PDE4D: variants seen among roughly 807,000 people sequenced by gnomAD.
PDE4D encodes the protein phosphodiesterase 4D, also known as 3',5'-cyclic-AMP phosphodiesterase 4D.
In PDE4D, 24 loss-of-function variants were observed where a neutral mutation model predicts 87.4. That is an observed-to-expected ratio of 0.27 (90% CI 0.20 to 0.39). The LOEUF (loss-of-function observed/expected upper bound fraction) is 0.39, where lower values mean the gene tolerates loss of function less well. PDE4D is among the 10% of genes least tolerant of loss of function. The pLI is 1.00. For synonymous variants in PDE4D, 384 were observed against 383.2 expected, an observed-to-expected ratio of 1.00 and a Z score of -0.02; for missense variants, 714 against 1,041.0, an observed-to-expected ratio of 0.69 and a Z score of 4.32.
intron 1 of PDE4D, among the ~76,000 whole-genome samples, chr5:59,751,628 G>A (rs945131033): frequency 2.7e-5 from 4 of 148,226 alleles, no homozygotes; most frequent in Non-Finnish European, 4.4e-5. Context: ...GAGCGAGCGA[G>A]CGAGCAAGCG....
intron 2 of PDE4D, among the ~76,000 whole-genome samples, chr5:60,013,856 C>T (rs1765253541): frequency 7.0e-6 from 1 of 143,156 alleles, no homozygotes; most frequent in African/African-American, 2.5e-5. Flanking sequence ...GAGTCAGCCT[C>T]CATATAAAAA....
intron 1 of PDE4D, among the ~76,000 whole-genome samples, chr5:59,367,604 C>T (rs771741756): frequency 6.6e-6 from 1 of 152,170 alleles, no homozygotes; most frequent in Non-Finnish European, 1.5e-5. Flanking sequence ...ATATTTTACA[C>T]ATTGGTGAGA....
chr5:60,107,141 ATC>A (rs1777054424), intron 2 of PDE4D, among the ~76,000 whole-genome samples: 1 of 152,216 alleles, frequency 6.6e-6, no homozygotes, highest in Admixed American at 6.5e-5. Context: ...AGAGAGAAGA[ATC>A]AAATAGATGC....
At chr5:59,948,777 A>T (rs2152803089) in intron 3 of PDE4D, among the ~76,000 whole-genome samples, 1 of 152,348 alleles carries the variant, frequency 6.6e-6, no homozygotes, top group Non-Finnish European at 1.5e-5. Context: ...CCAATTAGTG[A>T]GATAACTTAG....
intron 1 of PDE4D, among the ~76,000 whole-genome samples, chr5:59,246,028 A>G (rs1301629039): frequency 6.7e-6 from 1 of 149,754 alleles, no homozygotes; most frequent in Non-Finnish European, 1.5e-5. Context: ...AAATGTATAT[A>G]TTATATATAA....
intron 1 of PDE4D, among the ~76,000 whole-genome samples, chr5:59,471,545 C>T (rs879436697): frequency 5.3e-5 from 8 of 152,244 alleles, no homozygotes; most frequent in Admixed American, 3.3e-4. Context: ...GTGCAAAGCA[C>T]CACAAAGCAG....
At chr5:59,599,869 A>C (rs753310452) in intron 1 of PDE4D, among the ~76,000 whole-genome samples, 10 of 152,156 alleles carry the variant, frequency 6.6e-5, no homozygotes, top group Non-Finnish European at 1.3e-4. Flanking sequence ...TGAGGAAAGG[A>C]AGAAAAGAGT....
intron 2 of PDE4D, among the ~76,000 whole-genome samples, chr5:60,035,179 C>A (rs1767654742): frequency 6.6e-6 from 1 of 151,892 alleles, no homozygotes; most frequent in Non-Finnish European, 1.5e-5. Flanking sequence ...TTGCTTGAAC[C>A]CAGGAGGCGG....
intron 1 of PDE4D, among the ~76,000 whole-genome samples, chr5:59,347,322 G>C (rs565789651): frequency 1.3e-5 from 2 of 152,158 alleles, no homozygotes; most frequent in East Asian, 3.9e-4. Flanking sequence ...TCAATTAAAG[G>C]CAAGTTAATT....
At chr5:60,452,212 T>G (rs1317090858) in intron 1 of PDE4D, among the ~76,000 whole-genome samples, 1 of 152,052 alleles carries the variant, frequency 6.6e-6, no homozygotes, top group African/African-American at 2.4e-5. Flanking sequence ...ACACTAAAAG[T>G]TTACTTATCC....
intron 1 of PDE4D, among the ~76,000 whole-genome samples, chr5:59,234,897 G>A (rs1032150888): frequency 6.7e-6 from 1 of 148,626 alleles, no homozygotes; most frequent in Non-Finnish European, 1.5e-5. Context: ...AACTCAAATC[G>A]AGTTTTTTTT....
At chr5:59,796,810 C>A (rs1415245962) in intron 1 of PDE4D, among the ~76,000 whole-genome samples, 1 of 152,016 alleles carries the variant, frequency 6.6e-6, no homozygotes, top group Non-Finnish European at 1.5e-5. Flanking sequence ...CAAATGTGAT[C>A]ATCAAATGCA....
chr5:59,003,807 G>A (rs1488095208), intron 6 of PDE4D, among the ~76,000 whole-genome samples: 1 of 152,092 alleles, frequency 6.6e-6, no homozygotes, highest in African/African-American at 2.4e-5. Context: ...GAGAGGTAGG[G>A]TAGAGAAGGG....
intron 1 of PDE4D, among the ~76,000 whole-genome samples, chr5:60,290,996 A>G (rs1323642142): frequency 6.6e-6 from 1 of 152,232 alleles, no homozygotes; most frequent in East Asian, 1.9e-4. Flanking sequence ...TATTTTCTAA[A>G]GAACGAAATG....
chr5:59,384,769 GT>G (rs11447636), intron 1 of PDE4D, among the ~76,000 whole-genome samples: 230 of 150,232 alleles, frequency 1.5e-3, no homozygotes, highest in African/African-American at 5.3e-3. Flanking sequence ...CTTATACTGG[GT>G]TTTTTTTTCT....
intron 1 of PDE4D, among the ~76,000 whole-genome samples, chr5:59,704,462 T>C (rs759349712): frequency 6.6e-6 from 1 of 152,206 alleles, no homozygotes; most frequent in Non-Finnish European, 1.5e-5. Flanking sequence ...GGGGACACCT[T>C]TGTCATTTTG....
rs1821340004 is a variant in PDE4D at position 59,568,652 on chromosome 5, AC to A, written c.455+324515del. On this transcript the variant is annotated intron_variant, in intron 1 of 14. Coordinates refer to ENST00000340635, the MANE Select transcript of PDE4D (RefSeq NM_001104631.2). ...TGTGGTCTCTCTCCCCAAAACACTA[AC>A]TACAGTCTAATCATGAAAAATCAAT... is the stretch of plus-strand genomic sequence containing the variant. 2.6e-5 allele frequency among the ~76,000 whole-genome samples: 4 copies of A among 152,254 alleles called. No individual in the cohort carries two copies. In the South Asian group the frequency reaches 8.3e-4, roughly 32 times the overall value.
chr5:59,508,835 T>G (rs990192692), intron 1 of PDE4D, among the ~76,000 whole-genome samples: 9 of 152,014 alleles, frequency 5.9e-5, no homozygotes, highest in Non-Finnish European at 1.2e-4. Context: ...TAGACTCTAC[T>G]GAAGGTTGAA....
chr5:59,593,671 T>C (rs919095416), intron 1 of PDE4D, among the ~76,000 whole-genome samples: 3 of 152,190 alleles, frequency 2.0e-5, no homozygotes, highest in Admixed American at 1.3e-4. Flanking sequence ...CAGTAGGCTA[T>C]GGAGAATCAC....
Sources: gnomAD v4.1 joint callset for allele counts (sites outside exome capture counted in the v4.1 genomes callset) on GRCh38, gnomAD v4.1.1 for gene constraint, MANE v1.5 for transcripts, NCBI Gene and HGNC (gene_info 2026-07-23, HGNC 2026-07-21) for gene names.